The following ZNF521 variants were observed in gnomAD, a reference collection of about 807,000 sequenced individuals.
The protein encoded by ZNF521 is zinc finger protein 521.
In ZNF521, 14 loss-of-function variants were observed where a neutral mutation model predicts 105.5. The observed-to-expected ratio is 0.13, with a 90% CI of 0.09 to 0.21. The LOEUF (loss-of-function observed/expected upper bound fraction) is 0.21, where lower values mean the gene tolerates loss of function less well. Ranked by LOEUF, ZNF521 falls within the 10% of genes least tolerant of loss-of-function variation. ZNF521 has a pLI of 1.00. For missense variants in ZNF521, 1,233 were observed against 1,629.7 expected (o/e 0.76, Z 4.19); for synonymous variants, 635 against 606.0 (o/e 1.05, Z -0.70).
At chr18:25,257,396 C>T (rs916484349) in intron 3 of ZNF521, among the ~76,000 whole-genome samples, 3 of 152,148 alleles carry the variant, frequency 2.0e-5, no homozygotes, top group African/African-American at 7.2e-5. Context: ...TGGGCTCAAA[C>T]AACACATTGC....
intron 2 of ZNF521, chr18:25,327,688 G>T (rs760741525): frequency 3.9e-6 from 2 of 518,926 alleles, no homozygotes; most frequent in Non-Finnish European, 7.7e-6. Context: ...ATTCTAACTT[G>T]AAATCCCATA....
intron 5 of ZNF521, among the ~76,000 whole-genome samples, chr18:25,112,725 G>C (rs2034217565): frequency 6.6e-6 from 1 of 152,108 alleles, no homozygotes; most frequent in African/African-American, 2.4e-5. Flanking sequence ...CACATATTTT[G>C]ATATCTCTAT....
At chr18:25,208,567 T>C (rs2036122854) in intron 4 of ZNF521, among the ~76,000 whole-genome samples, 1 of 152,136 alleles carries the variant, frequency 6.6e-6, no homozygotes, top group African/African-American at 2.4e-5. Flanking sequence ...AACCCACTTT[T>C]CTTTTTTTCC....
chr18:25,149,064 T>C (rs1369096851), intron 5 of ZNF521, among the ~76,000 whole-genome samples: 1 of 152,192 alleles, frequency 6.6e-6, no homozygotes, highest in Non-Finnish European at 1.5e-5. Flanking sequence ...CCTAAAACTA[T>C]TGATAGGTGA....
intron 5 of ZNF521, among the ~76,000 whole-genome samples, chr18:25,143,423 A>C (rs2034887507): frequency 6.6e-6 from 1 of 152,156 alleles, no homozygotes; most frequent in Non-Finnish European, 1.5e-5. Context: ...GTGTGTAAGT[A>C]AATGAGATAG....
chr18:25,102,622 G>A (rs992098886), intron 5 of ZNF521, among the ~76,000 whole-genome samples: 5 of 151,800 alleles, frequency 3.3e-5, no homozygotes, highest in East Asian at 1.9e-4. Flanking sequence ...CAAGCTCCTC[G>A]GCTCAGGCAA....
rs141651486 is a variant in ZNF521 at position 25,190,826 on chromosome 18, C to T, written c.3658+4334G>A. Among the ~76,000 whole-genome samples, 496 of 152,282 alleles carry T rather than the reference C, an allele frequency of 3.3e-3. 2 individuals carry two copies. The highest frequency in any genetic ancestry group is 0.01 in the African/African-American group (431 of 41,574). On this transcript the variant is annotated intron_variant, in intron 5 of 7. Coordinates refer to ENST00000361524, the MANE Select transcript of ZNF521 (RefSeq NM_015461.3). ...TCAGTGATATATATCATGTGTAACACAACACATAGAGTACGTATCTTCCTA... is the reference window on the plus strand; with the variant it reads ...TCAGTGATATATATCATGTGTAACATAACACATAGAGTACGTATCTTCCTA...
chr18:25,114,774 C>A (rs779038922), intron 5 of ZNF521, among the ~76,000 whole-genome samples: 2 of 152,188 alleles, frequency 1.3e-5, no homozygotes, highest in Non-Finnish European at 2.9e-5. Context: ...CTATCCTTAA[C>A]ACACTATAGA....
intron 7 of ZNF521, among the ~76,000 whole-genome samples, chr18:25,073,826 C>T (rs1223858212): frequency 3.3e-5 from 5 of 151,440 alleles, no homozygotes. Context: ...GAGGTAAACT[C>T]ACATTAAGAG....
At position 25,227,434 on chromosome 18, in the gene ZNF521, C is replaced by T; in HGVS notation, c.484G>A (p.Asp162Asn). ...CCGGTGTGGAGTTTTATGTGGCGAT[C>T]TCGGCTGCGCTTGTGTTTGAACAGC... ...SRLFKHKRSRDRHIKLHTGDK... is the reference protein window; with the variant it reads ...SRLFKHKRSRNRHIKLHTGDK... Residue 162 changes from aspartate to asparagine, a missense_variant, in exon 4 of 8, where the codon GAT becomes AAT. Around this residue, in one of 6 missense-constraint regions of ZNF521, gnomAD observed 85 missense variants for 162.2 expected, o/e 0.52. Coordinates refer to ENST00000361524, the MANE Select transcript of ZNF521 (RefSeq NM_015461.3). This position sits in a 1 kb window ranked among gnomAD's most constrained non-coding sequence, Gnocchi z 5.7. 6.2e-7 allele frequency: 1 copy of T among 1,614,098 alleles called. No individual in the cohort carries two copies. Among genetic ancestry groups the T allele is most frequent in the Non-Finnish European group, 8.5e-7 (1 of 1,180,016 alleles).
At chr18:25,309,031 G>C (rs1200903510) in intron 3 of ZNF521, among the ~76,000 whole-genome samples, 1 of 152,168 alleles carries the variant, frequency 6.6e-6, no homozygotes, top group Non-Finnish European at 1.5e-5. Context: ...ATCTGTGAGT[G>C]ACCATTAGCA....
intron 3 of ZNF521, among the ~76,000 whole-genome samples, chr18:25,284,729 A>T (rs1270198928): frequency 6.6e-6 from 1 of 152,180 alleles, no homozygotes; most frequent in Admixed American, 6.5e-5. Context: ...AAAGAGATGA[A>T]GAAATATTTC....
At chr18:25,243,820 G>T (rs1420471920) in intron 3 of ZNF521, among the ~76,000 whole-genome samples, 1 of 152,142 alleles carries the variant, frequency 6.6e-6, no homozygotes, top group African/African-American at 2.4e-5. Flanking sequence ...TTGGTCTTAA[G>T]TCTAGAGAAC....
intron 4 of ZNF521, among the ~76,000 whole-genome samples, chr18:25,208,577 C>CT (rs1214615890): frequency 2.0e-5 from 3 of 150,728 alleles, no homozygotes; most frequent in South Asian, 2.2e-4. Context: ...TCTTTTTTTC[C>CT]TTTTTTCTGT....
chr18:25,252,677 C>T (rs1047081340), intron 3 of ZNF521, among the ~76,000 whole-genome samples: 11 of 152,058 alleles, frequency 7.2e-5, no homozygotes, highest in Admixed American at 6.6e-5. Flanking sequence ...TTTTCTGTGT[C>T]CTCCTTTTTT....
chr18:25,166,963 C>G (rs1445954269), intron 5 of ZNF521, among the ~76,000 whole-genome samples: 2 of 152,038 alleles, frequency 1.3e-5, no homozygotes, highest in Non-Finnish European at 2.9e-5. Context: ...TACTTTTTTT[C>G]ATTAACTAAT....
chr18:25,112,054 G>A (rs1334679266), intron 5 of ZNF521, among the ~76,000 whole-genome samples: 1 of 152,148 alleles, frequency 6.6e-6, no homozygotes, highest in Admixed American at 6.5e-5. Context: ...TCTGCAGGAG[G>A]CTCCAGTCCT....
chr18:25,283,933 C>CCCA (rs377056731), intron 3 of ZNF521, among the ~76,000 whole-genome samples: 50 of 133,214 alleles, frequency 3.8e-4, no homozygotes, highest in Admixed American at 1.5e-3. Flanking sequence ...CCCCCCCCCC[C>CCCA]AAAAAAATTC....
intron 4 of ZNF521, among the ~76,000 whole-genome samples, chr18:25,216,748 G>A: frequency 6.6e-6 from 1 of 152,096 alleles, no homozygotes; most frequent in East Asian, 1.9e-4. Context: ...GTAGAGACAG[G>A]ATCTTGCTGT....
Sources: allele counts gnomAD v4.1 joint callset (sites outside exome capture counted in the v4.1 genomes callset), GRCh38; gene constraint gnomAD v4.1.1; regional missense constraint gnomAD v4.1.1; non-coding constraint Gnocchi (gnomAD v3.1); transcripts MANE v1.5; gene names NCBI Gene and HGNC (gene_info 2026-07-23, HGNC 2026-07-21).